Variants in PTPRD observed in about 807,000 individuals in gnomAD.
The protein encoded by PTPRD is receptor-type tyrosine-protein phosphatase delta.
Under a neutral mutation model 214.5 loss-of-function variants are expected in PTPRD, and 34 were observed. That is an observed-to-expected ratio of 0.16 (90% confidence interval 0.12 to 0.21). The LOEUF (loss-of-function observed/expected upper bound fraction) is 0.21. Ranked by LOEUF, PTPRD falls within the 10% of genes least tolerant of loss-of-function variation. PTPRD has a pLI of 1.00. For synonymous variants in PTPRD, 1,128 were observed against 845.7 expected, an observed-to-expected ratio of 1.33 and a Z score of -5.79; for missense variants, 2,545 against 2,398.7, an observed-to-expected ratio of 1.06 and a Z score of -1.27.
At chr9:9,905,427 A>G (rs969182007) in intron 5 of PTPRD, among the ~76,000 whole-genome samples, 2 of 152,018 alleles carry the variant, frequency 1.3e-5, no homozygotes. Flanking sequence ...ATATTGTCAC[A>G]TATGTCATCC....
chr9:10,498,050 C>T (rs1437776571), intron 2 of PTPRD, among the ~76,000 whole-genome samples: 1 of 151,916 alleles, frequency 6.6e-6, no homozygotes, highest in Non-Finnish European at 1.5e-5. Flanking sequence ...TTGCTTGCTT[C>T]ATGCATAATT....
intron 3 of PTPRD, among the ~76,000 whole-genome samples, chr9:10,307,436 T>A (rs578129736): frequency 6.6e-6 from 1 of 151,978 alleles, no homozygotes; most frequent in Non-Finnish European, 1.5e-5. Flanking sequence ...TAGTATTCCA[T>A]CATGTTTTCT....
chr9:8,722,635 G>T (rs10977261), intron 12 of PTPRD, among the ~76,000 whole-genome samples: 16,038 of 151,964 alleles, frequency 0.11, 2,295 homozygotes, highest in African/African-American at 0.33. Context: ...ATAGGGAAAA[G>T]CCCTATTGAA....
intron 8 of PTPRD, among the ~76,000 whole-genome samples, chr9:9,407,370 G>T (rs1366324789): frequency 6.6e-6 from 1 of 151,632 alleles, no homozygotes; most frequent in Non-Finnish European, 1.5e-5. Flanking sequence ...TACCTAACAT[G>T]ATTATAAATA....
chr9:9,923,123 G>GTGT (rs1555340190), intron 5 of PTPRD, among the ~76,000 whole-genome samples: 38,340 of 144,718 alleles, frequency 0.26, 5,556 homozygotes, highest in East Asian at 0.62. Context: ...GTGTGTGGGG[G>GTGT]GTGTGTGTGT....
chr9:8,543,518 A>G (rs1024844519), intron 14 of PTPRD, among the ~76,000 whole-genome samples: 2 of 152,204 alleles, frequency 1.3e-5, no homozygotes, highest in African/African-American at 4.8e-5. Flanking sequence ...ACTGATCCCT[A>G]ATATAACCAA....
Position 8,454,045 on chromosome 9 carries a change from A to G in PTPRD, c.3876-4208T>C, listed in dbSNP as rs74474697. The stretch of plus-strand genomic sequence containing the variant: ...TTTGGATTAATCATTCAATAATCAC[A>G]TAGTGTATTTTAGCTATTATTATTG... On this transcript the variant is annotated intron_variant, in intron 33 of 45. Coordinates refer to ENST00000381196, the MANE Select transcript of PTPRD (RefSeq NM_002839.4). Among the ~76,000 whole-genome samples, 159 of 152,330 alleles carry G rather than the reference A, an allele frequency of 1.0e-3. 1 individual carries two copies. In the East Asian group the frequency reaches 0.025, roughly 24 times the overall value.
At chr9:8,470,449 A>G (rs914890923) in intron 31 of PTPRD, among the ~76,000 whole-genome samples, 1 of 152,076 alleles carries the variant, frequency 6.6e-6, no homozygotes, top group Admixed American at 6.6e-5. Context: ...TTTGCTCACA[A>G]TTTTGTCATT....
intron 3 of PTPRD, among the ~76,000 whole-genome samples, chr9:10,050,195 C>G (rs1296515907): frequency 6.6e-6 from 1 of 151,866 alleles, no homozygotes; most frequent in East Asian, 1.9e-4. Flanking sequence ...GAAGACAAAG[C>G]AATTATGTTT....
intron 8 of PTPRD, among the ~76,000 whole-genome samples, chr9:9,472,037 A>T (rs1329565394): frequency 6.6e-6 from 1 of 152,128 alleles, no homozygotes; most frequent in African/African-American, 2.4e-5. Flanking sequence ...AAATATTTTA[A>T]GTGTCTAAGT....
chr9:10,255,304 G>C (rs34676281), intron 3 of PTPRD, among the ~76,000 whole-genome samples: 16,392 of 152,124 alleles, frequency 0.11, 1,172 homozygotes, highest in Non-Finnish European at 0.15. Flanking sequence ...TACACACCTA[G>C]GCTATACAGT....
In PTPRD at chr9:8,841,653, G is replaced by C. The variant is rs568640739; in HGVS notation, c.-103-107707C>G. 2.0e-5 allele frequency among the ~76,000 whole-genome samples: 3 copies of C among 151,684 alleles called. No homozygotes were observed. The East Asian group carries it at 5.8e-4, about 29-fold the overall frequency. ...AAAAACCCCTACCTTTCAGAAACCT[G>C]TTTTTGTTTATTTTGATTATAAAAC... On this transcript the variant is annotated intron_variant, in intron 11 of 45. Coordinates refer to ENST00000381196, the MANE Select transcript of PTPRD (RefSeq NM_002839.4).
chr9:8,451,645 G>C (rs1048864545), intron 33 of PTPRD, among the ~76,000 whole-genome samples: 5 of 152,080 alleles, frequency 3.3e-5, no homozygotes, highest in African/African-American at 1.2e-4. Context: ...AACGTCACTG[G>C]GTGCAGCCAG....
At chr9:9,749,022 T>G (rs1318374486) in intron 6 of PTPRD, among the ~76,000 whole-genome samples, 1 of 114,258 alleles carries the variant, frequency 8.8e-6, no homozygotes, top group African/African-American at 5.2e-5. Context: ...GGATGTGGAG[T>G]ATAATCTCCC....
At chr9:9,825,101 G>A (rs891087195) in intron 5 of PTPRD, among the ~76,000 whole-genome samples, 1 of 151,794 alleles carries the variant, frequency 6.6e-6, no homozygotes, top group Non-Finnish European at 1.5e-5. Flanking sequence ...ATCTGATACT[G>A]CAGTTTTTAT....
At chr9:9,511,736 CAT>C (rs1395889619) in intron 8 of PTPRD, among the ~76,000 whole-genome samples, 1 of 151,524 alleles carries the variant, frequency 6.6e-6, no homozygotes, top group Non-Finnish European at 1.5e-5. Flanking sequence ...TCAAAATTGC[CAT>C]AGTTTATACT....
intron 12 of PTPRD, among the ~76,000 whole-genome samples, chr9:8,666,354 G>C (rs915305171): frequency 6.6e-6 from 1 of 152,052 alleles, no homozygotes; most frequent in Non-Finnish European, 1.5e-5. Flanking sequence ...AATAGTTAGA[G>C]ATCTGCTTAC....
intron 3 of PTPRD, among the ~76,000 whole-genome samples, chr9:10,154,428 G>A (rs1465220354): frequency 6.6e-6 from 1 of 151,486 alleles, no homozygotes; most frequent in Admixed American, 6.6e-5. Flanking sequence ...ATCTGTTTAT[G>A]AATAGTTTCT....
At chr9:9,465,674 G>C (rs1393867106) in intron 8 of PTPRD, among the ~76,000 whole-genome samples, 2 of 152,074 alleles carry the variant, frequency 1.3e-5, no homozygotes, top group African/African-American at 4.8e-5. Context: ...CAAACCCAAT[G>C]CGTTCTGGAT....
Sources: allele counts gnomAD v4.1 joint callset (sites outside exome capture counted in the v4.1 genomes callset), GRCh38; gene constraint gnomAD v4.1.1; transcripts MANE v1.5; gene names NCBI Gene and HGNC (gene_info 2026-07-23, HGNC 2026-07-21).